Variants in FGFR1OP2 observed in about 807,000 individuals in gnomAD.
The protein encoded by FGFR1OP2 is fibroblast growth factor receptor 1 oncogene partner 2.
In FGFR1OP2, 17 loss-of-function variants were observed where a neutral mutation model predicts 35.2. That is an observed-to-expected ratio of 0.48 (90% CI 0.33 to 0.73). FGFR1OP2 has a LOEUF of 0.73. Ranked by LOEUF, FGFR1OP2 falls within the 30% of genes least tolerant of loss-of-function variation. The pLI is 0.02. For synonymous variants in FGFR1OP2, 105 were observed against 104.6 expected, an observed-to-expected ratio of 1.00 and a Z score of -0.03; for missense variants, 251 against 307.3, an observed-to-expected ratio of 0.82 and a Z score of 1.37.
chr12:26,954,688 T>C (rs1938991205), intron 2 of FGFR1OP2, among the ~76,000 whole-genome samples: 1 of 152,224 alleles, frequency 6.6e-6, no homozygotes, highest in Non-Finnish European at 1.5e-5. Flanking sequence ...AACAACAAAA[T>C]AGCTTTTGAA....
intron 4 of FGFR1OP2, among the ~76,000 whole-genome samples, chr12:26,959,955 A>C (rs1298145906): frequency 6.6e-6 from 1 of 152,116 alleles, no homozygotes; most frequent in Non-Finnish European, 1.5e-5. Context: ...ATGAATTGTT[A>C]CTGGAACGCT....
At chr12:26,939,734 G>C (rs1222466370) in intron 1 of FGFR1OP2, among the ~76,000 whole-genome samples, 1 of 152,150 alleles carries the variant, frequency 6.6e-6, no homozygotes, top group Non-Finnish European at 1.5e-5. Context: ...CTGCCAATTT[G>C]AACCTGGGTC....
intron 1 of FGFR1OP2, among the ~76,000 whole-genome samples, chr12:26,944,805 G>A (rs1428041476): frequency 3.3e-5 from 5 of 152,068 alleles, no homozygotes; most frequent in African/African-American, 9.7e-5. Flanking sequence ...CTTTAAATGT[G>A]TGATAGAATT....
intron 4 of FGFR1OP2, 113 bp downstream of exon 4, chr12:26,957,856 G>T: frequency 1.3e-6 from 1 of 774,878 alleles, no homozygotes. Context: ...ATTTTAACAT[G>T]ATGTTGAATG....
At chr12:26,944,271 C>T (rs540265407) in intron 1 of FGFR1OP2, among the ~76,000 whole-genome samples, 21 of 152,244 alleles carry the variant, frequency 1.4e-4, no homozygotes, top group Non-Finnish European at 2.4e-4. Context: ...GTTTTTCCCC[C>T]CTTCCTAGCC....
In FGFR1OP2 at chr12:26,966,024, G is replaced by A. The variant is rs539408717; in HGVS notation, c.*1291G>A. 14 of 152,106 alleles carry A rather than the reference G, an allele frequency of 9.2e-5. No individual in the cohort carries two copies. The East Asian group carries it at 2.7e-3, about 29-fold the overall frequency. 9.4% of individuals were successfully genotyped at this position (152,106 alleles called of 1,614,324 possible). A position where few individuals can be genotyped will look rare whatever the true frequency, so the allele number is the denominator to read the frequency against. ...TAAGACAAATGGAAAATTATACTTT[G>A]AGTATATAATTTGTTAAATATTACT... On this transcript the variant is annotated 3_prime_UTR_variant, in exon 7 of 7. Transcript: ENST00000229395.
At chr12:26,942,291 A>G (rs1439866779) in intron 1 of FGFR1OP2, among the ~76,000 whole-genome samples, 3 of 152,140 alleles carry the variant, frequency 2.0e-5, no homozygotes, top group African/African-American at 2.4e-5. Flanking sequence ...TTGGCCTCCC[A>G]AAGTGCTGGG....
intron 1 of FGFR1OP2, among the ~76,000 whole-genome samples, chr12:26,950,244 CAG>C (rs1258529934): frequency 4.8e-3 from 44 of 9,194 alleles, no homozygotes; most frequent in Non-Finnish European, 5.8e-3. Flanking sequence ...TTTTTTGAGA[CAG>C]AGTCCCGTTC....
intron 2 of FGFR1OP2, among the ~76,000 whole-genome samples, chr12:26,955,310 T>G (rs1161023176): frequency 6.6e-6 from 1 of 152,238 alleles, no homozygotes; most frequent in East Asian, 1.9e-4. Flanking sequence ...TCTTTTTGCA[T>G]TTCTTTTGTA....
In FGFR1OP2 at chr12:26,950,381, C is replaced by G. The variant is rs113752672; in HGVS notation, c.-14-3764C>G. Among the ~76,000 whole-genome samples, 598 of 151,774 alleles carry G rather than the reference C, an allele frequency of 3.9e-3. 5 individuals carry two copies. The highest frequency in any genetic ancestry group is 0.014 in the African/African-American group (564 of 41,440). On this transcript the variant is annotated intron_variant, in intron 1 of 6. Transcript: ENST00000229395. ...GAGACTACAGGCGCATGCCACTACGCCCGGCTAATTTTTTTTTTGTATTTT... is the reference window on the plus strand; with the variant it reads ...GAGACTACAGGCGCATGCCACTACGGCCGGCTAATTTTTTTTTTGTATTTT...
chr12:26,962,738 T>G (rs1248052293), intron 5 of FGFR1OP2: 2 of 152,240 alleles, frequency 1.3e-5, no homozygotes, highest in Non-Finnish European at 2.9e-5. Flanking sequence ...ACTGATACTA[T>G]ATTTTCAATA....
chr12:26,963,031 G>A (rs1368515954), intron 5 of FGFR1OP2: 1 of 191,334 alleles, frequency 5.2e-6, no homozygotes, highest in Non-Finnish European at 1.1e-5. Flanking sequence ...TTGAACAATA[G>A]TGTATGTAAG....
chr12:26,957,367 G>A (rs985575368), intron 3 of FGFR1OP2, among the ~76,000 whole-genome samples: 4 of 152,156 alleles, frequency 2.6e-5, no homozygotes, highest in Admixed American at 6.5e-5. Flanking sequence ...AGCCTTGGCC[G>A]ATATTAATTG....
chr12:26,956,811 T>C (rs965283019), intron 3 of FGFR1OP2, 151 bp downstream of exon 3: 3 of 380,470 alleles, frequency 7.9e-6, no homozygotes, highest in Non-Finnish European at 1.5e-5. Flanking sequence ...GCACTGCTGT[T>C]GTTAGCTATG....
At chr12:26,958,907 A>G (rs73088769) in intron 4 of FGFR1OP2, among the ~76,000 whole-genome samples, 19,271 of 152,188 alleles carry the variant, frequency 0.13, 1,250 homozygotes, top group South Asian at 0.16. Context: ...ATTATTACCA[A>G]TATTATTTAA....
rs1939147465 is a variant in FGFR1OP2, at chr12:26,964,589, C to T, written c.625-7C>T. 1.2e-6 allele frequency: 2 copies of T among 1,608,090 alleles called. No individual in the cohort carries two copies. Among genetic ancestry groups the T allele is most frequent in the Non-Finnish European group, 1.7e-6 (2 of 1,175,968 alleles). On this transcript the variant is annotated splice_region_variant and splice_polypyrimidine_tract_variant and intron_variant, in intron 6 of 6. Coordinates refer to ENST00000229395, the MANE Select transcript of FGFR1OP2 (RefSeq NM_015633.3). ...TGACTGCATCTTTGTTTTTGCTTGC[C>T]TTTTAGCAAGAAAACAAAGGCTTGA... is the stretch of plus-strand genomic sequence containing the variant.
intron 2 of FGFR1OP2, 39 bp from the exon 3 acceptor site, chr12:26,956,504 G>C: frequency 2.0e-6 from 1 of 511,876 alleles, no homozygotes; most frequent in Non-Finnish European, 3.2e-6. Context: ...ATATATATTT[G>C]CAGGTATTTT....
intron 3 of FGFR1OP2, among the ~76,000 whole-genome samples, 170 bp from the exon 4 acceptor site, chr12:26,957,431 C>CA (rs1048641255): frequency 3.3e-5 from 5 of 152,102 alleles, no homozygotes; most frequent in Non-Finnish European, 5.9e-5. Flanking sequence ...TTAAAATATT[C>CA]AAAAAACTAA....
intron 3 of FGFR1OP2, 39 bp downstream of exon 3, chr12:26,956,699 G>A: frequency 4.1e-6 from 5 of 1,231,542 alleles, no homozygotes; most frequent in Non-Finnish European, 5.8e-6. Flanking sequence ...CCCATTTCTA[G>A]TCTATATTCC....
Sources: allele counts gnomAD v4.1 joint callset (sites outside exome capture counted in the v4.1 genomes callset), GRCh38; gene constraint gnomAD v4.1.1; transcripts MANE v1.5; gene names NCBI Gene and HGNC (gene_info 2026-07-23, HGNC 2026-07-21).